IFTAP: variants seen among roughly 807,000 people sequenced by gnomAD.
IFTAP encodes the protein intraflagellar transport-associated protein.
In IFTAP, 19 loss-of-function variants were observed where a neutral mutation model predicts 19.4. The observed-to-expected ratio is 0.98, with a 90% CI of 0.68 to 1.44. The LOEUF (loss-of-function observed/expected upper bound fraction) is 1.44. Among genes scored for constraint, IFTAP ranks in the 40% most tolerant of loss-of-function variants. The probability of loss-of-function intolerance (pLI) is 0.00; values close to 1 mark genes in which losing one functional copy is unlikely to be tolerated. For missense variants in IFTAP, 240 were observed against 253.6 expected (o/e 0.95, Z 0.36); for synonymous variants, 85 against 83.5 (o/e 1.02, Z -0.10).
rs138202012 is a variant in IFTAP, at chr11:36,649,043, T to G, written c.498+888T>G. Among the ~76,000 whole-genome samples the G allele has an allele frequency of 2.7e-4, 41 of 152,288 alleles. No homozygotes were observed. The East Asian group carries it at 7.7e-3, about 29-fold the overall frequency. On this transcript the variant is annotated intron_variant, in intron 5 of 5. Transcript: ENST00000334307. ...CTGGTAGTGACCTTTCTCACCCTCCTTACTGGAACACAAAGCAGGATCAGG... is the reference window on the plus strand; with the variant it reads ...CTGGTAGTGACCTTTCTCACCCTCCGTACTGGAACACAAAGCAGGATCAGG...
intron 5 of IFTAP, among the ~76,000 whole-genome samples, chr11:36,648,851 T>TA (rs1352684935): frequency 6.6e-6 from 1 of 152,136 alleles, no homozygotes; most frequent in Non-Finnish European, 1.5e-5. Context: ...CACATGTTCA[T>TA]ACTGGCCACA....
intron 2 of IFTAP, among the ~76,000 whole-genome samples, chr11:36,629,207 G>T (rs1247977691): frequency 1.3e-5 from 2 of 151,244 alleles, no homozygotes; most frequent in Non-Finnish European, 2.9e-5. Flanking sequence ...ATTGCTCTAG[G>T]CAAGGAGTGT....
rs750834019 is a variant in IFTAP at position 36,633,423 on chromosome 11, A to G, written c.276A>G (p.Gln92=). ...CCATCTTTCTTCGTACTTCATCACA[A>G]TGTTTGGAAGAACAGGTAATACCAA... ...NKTIFLRTSS[Q]CLEEQVDNFL... is the part of the protein sequence containing the mutation. The change falls in exon 3 of 6, where the codon CAA becomes CAG. Residue 92 remains glutamine, a synonymous_variant. Coordinates refer to ENST00000334307, the MANE Select transcript of IFTAP (RefSeq NM_138787.4). 1.8e-5 allele frequency: 29 copies of G among 1,593,794 alleles called. No individual in the cohort carries two copies. In the Admixed American group the frequency reaches 3.5e-4, roughly 19 times the overall value.
chr11:36,654,160 T>C (rs905043595), intron 5 of IFTAP, among the ~76,000 whole-genome samples: 4 of 152,118 alleles, frequency 2.6e-5, no homozygotes, highest in African/African-American at 9.7e-5. Flanking sequence ...CCTGCTTGGA[T>C]GTTTTCAGAA....
intron 3 of IFTAP, among the ~76,000 whole-genome samples, chr11:36,634,012 G>T (rs1031899971): frequency 6.6e-5 from 10 of 152,052 alleles, no homozygotes; most frequent in African/African-American, 2.2e-4. Flanking sequence ...TGTATTCCTT[G>T]CAATATTGTG....
At chr11:36,602,043 G>A (rs1039510574) in intron 1 of IFTAP, among the ~76,000 whole-genome samples, 4 of 152,154 alleles carry the variant, frequency 2.6e-5, no homozygotes, top group Non-Finnish European at 5.9e-5. Flanking sequence ...TTTGTACATT[G>A]AGGCAAAATT....
At chr11:36,616,303 T>C (rs1396496195) in intron 2 of IFTAP, among the ~76,000 whole-genome samples, 1 of 146,322 alleles carries the variant, frequency 6.8e-6, no homozygotes, top group Non-Finnish European at 1.5e-5. Context: ...GATTTTGATA[T>C]GTAATTTCAT....
intron 3 of IFTAP, 95 bp from the exon 4 acceptor site, chr11:36,635,956 C>A: frequency 1.3e-6 from 1 of 781,718 alleles, no homozygotes; most frequent in South Asian, 1.5e-5. Context: ...TTCAGCTGCT[C>A]AGTTAGGTGT....
chr11:36,659,176 C>A lies in IFTAP; in HGVS notation c.656C>A (p.Ser219Tyr). 1 of 1,573,552 alleles carries A rather than the reference C, an allele frequency of 6.4e-7. No individual in the cohort carries two copies. Among genetic ancestry groups the A allele is most frequent in the Non-Finnish European group, 8.6e-7 (1 of 1,164,702 alleles). The part of the protein sequence containing the change: ...RKDTSPDLEK[S>Y]CD ...GACACCAGCCCAGACTTAGAGAAAT[C>A]CTGTGACTGATTCACAGAGGCATTT... The change falls in exon 6 of 6, where the codon TCC (serine) becomes TAC (tyrosine). Residue 219 changes from serine to tyrosine, a missense_variant. Physicochemically the swap from Ser to Tyr is moderately radical, Grantham distance 144. Transcript: ENST00000334307.
At chr11:36,647,301 C>G (rs1156886158) in intron 4 of IFTAP, among the ~76,000 whole-genome samples, 1 of 151,938 alleles carries the variant, frequency 6.6e-6, no homozygotes, top group Non-Finnish European at 1.5e-5. Context: ...GTTTTTTTGT[C>G]CTCCTTAAAG....
rs968408595 is a variant in IFTAP at position 36,640,230 on chromosome 11, G to A, written c.358+4113G>A. On this transcript the variant is annotated intron_variant, in intron 4 of 5. Coordinates refer to ENST00000334307, the MANE Select transcript of IFTAP (RefSeq NM_138787.4). ...TGAAGTTGGAAAAGCAATGATGGGT[G>A]AAGATGCTGGCACCTTAGTGTGAAT... is the stretch of plus-strand genomic sequence containing the variant. Among the ~76,000 whole-genome samples the A allele has an allele frequency of 2.6e-5, 4 of 152,188 alleles. No homozygotes were observed. In the South Asian group the frequency reaches 8.3e-4, roughly 32 times the overall value.
intron 1 of IFTAP, among the ~76,000 whole-genome samples, chr11:36,600,406 A>C (rs73455553): frequency 6.6e-6 from 1 of 152,150 alleles, no homozygotes; most frequent in Non-Finnish European, 1.5e-5. Flanking sequence ...CAGATCTGCT[A>C]TGTGGCATTA....
chr11:36,653,227 C>T (rs1853822939), intron 5 of IFTAP, among the ~76,000 whole-genome samples: 1 of 152,106 alleles, frequency 6.6e-6, no homozygotes, highest in South Asian at 2.1e-4. Flanking sequence ...TGAATGAAAA[C>T]AATCTCTCCA....
At chr11:36,595,979 T>C (rs1349581409) in intron 1 of IFTAP, among the ~76,000 whole-genome samples, 1 of 152,222 alleles carries the variant, frequency 6.6e-6, no homozygotes, top group Non-Finnish European at 1.5e-5. Flanking sequence ...TAGTTAATAT[T>C]TTATTCTTCT....
At chr11:36,602,107 TA>T (rs1851532090) in intron 1 of IFTAP, among the ~76,000 whole-genome samples, 1 of 152,242 alleles carries the variant, frequency 6.6e-6, no homozygotes, top group African/African-American at 2.4e-5. Flanking sequence ...TATTACCTCT[TA>T]TAGCCCATTT....
chr11:36,650,459 C>G (rs1238608354), intron 5 of IFTAP, among the ~76,000 whole-genome samples: 1 of 150,338 alleles, frequency 6.7e-6, no homozygotes, highest in African/African-American at 2.4e-5. Flanking sequence ...TGTGTATGAT[C>G]AAATCAGGGT....
intron 4 of IFTAP, 97 bp from the exon 5 acceptor site, chr11:36,647,919 T>C (rs1853553978): frequency 1.4e-6 from 2 of 1,397,270 alleles, no homozygotes; most frequent in East Asian, 4.6e-5. Context: ...TACATGAGCA[T>C]ATTTGCTTCA....
chr11:36,624,157 T>C (rs1487561430), intron 2 of IFTAP, among the ~76,000 whole-genome samples: 2 of 152,146 alleles, frequency 1.3e-5, no homozygotes, highest in Non-Finnish European at 2.9e-5. Context: ...TTAGTTTTTT[T>C]GTTCATAGTA....
intron 2 of IFTAP, among the ~76,000 whole-genome samples, chr11:36,631,444 C>T (rs1852722072): frequency 6.6e-6 from 1 of 151,276 alleles, no homozygotes; most frequent in Non-Finnish European, 1.5e-5. Context: ...GTGTTATGTC[C>T]TAAAGATACC....
Sources: gnomAD v4.1 joint callset for allele counts (sites outside exome capture counted in the v4.1 genomes callset) on GRCh38, gnomAD v4.1.1 for gene constraint, MANE v1.5 for transcripts, NCBI Gene and HGNC (gene_info 2026-07-23, HGNC 2026-07-21) for gene names.